TAFA2: variants seen among roughly 807,000 people sequenced by gnomAD.
The protein encoded by TAFA2 is TAFA chemokine like family member 2.
In TAFA2, 7 loss-of-function variants were observed where a neutral mutation model predicts 18.8. The observed-to-expected ratio is 0.37, with a 90% CI of 0.21 to 0.70. TAFA2 has a LOEUF of 0.70. TAFA2 is among the 30% of genes least tolerant of loss of function. The probability of loss-of-function intolerance (pLI) is 0.53; values close to 1 mark genes in which losing one functional copy is unlikely to be tolerated. For missense variants in TAFA2, 122 were observed against 158.1 expected, an observed-to-expected ratio of 0.77 and a Z score of 1.23; for synonymous variants, 60 against 54.2, an observed-to-expected ratio of 1.11 and a Z score of -0.47.
At chr12:62,186,327 A>G (rs1053238985) in intron 1 of TAFA2, among the ~76,000 whole-genome samples, 1 of 152,028 alleles carries the variant, frequency 6.6e-6, no homozygotes, top group Admixed American at 6.5e-5. Context: ...ATATATATAT[A>G]TTTATTTATA....
intron 1 of TAFA2, among the ~76,000 whole-genome samples, chr12:62,026,270 T>C (rs1167627585): frequency 1.3e-5 from 2 of 152,174 alleles, no homozygotes; most frequent in African/African-American, 2.4e-5. Flanking sequence ...GAGATTTACC[T>C]GAATAGATAT....
chr12:62,233,873 C>T (rs1290803679), intron 1 of TAFA2, among the ~76,000 whole-genome samples: 1 of 152,198 alleles, frequency 6.6e-6, no homozygotes, highest in Non-Finnish European at 1.5e-5. Context: ...CAGACCGAGG[C>T]AGCAAAGTAG....
At chr12:61,914,888 C>T (rs930697054) in intron 1 of TAFA2, among the ~76,000 whole-genome samples, 7 of 152,064 alleles carry the variant, frequency 4.6e-5, no homozygotes, top group Non-Finnish European at 7.4e-5. Context: ...GTTGGCCGGG[C>T]ACAGTGGCTC....
intron 2 of TAFA2, among the ~76,000 whole-genome samples, chr12:61,824,827 T>C (rs1872475238): frequency 6.6e-6 from 1 of 152,212 alleles, no homozygotes; most frequent in Non-Finnish European, 1.5e-5. Flanking sequence ...AGAAAAATTA[T>C]AACTTTGTCG....
chr12:61,995,046 T>A (rs558456998), intron 1 of TAFA2, among the ~76,000 whole-genome samples: 2 of 152,310 alleles, frequency 1.3e-5, no homozygotes, highest in South Asian at 4.1e-4. Context: ...GTGTTCCTAT[T>A]AACATAAATT....
At chr12:61,965,799 A>C (rs1162555137) in intron 1 of TAFA2, among the ~76,000 whole-genome samples, 1 of 151,958 alleles carries the variant, frequency 6.6e-6, no homozygotes, top group Non-Finnish European at 1.5e-5. Context: ...CAGTGGCTCC[A>C]ACTCTAAGAA....
chr12:62,136,235 C>A (rs971831403), intron 1 of TAFA2, among the ~76,000 whole-genome samples: 5 of 152,070 alleles, frequency 3.3e-5, no homozygotes, highest in African/African-American at 1.2e-4. Flanking sequence ...TTAAAAGATG[C>A]AATAATCTTC....
At chr12:62,040,061 G>A (rs576356913) in intron 1 of TAFA2, among the ~76,000 whole-genome samples, 20 of 152,238 alleles carry the variant, frequency 1.3e-4, no homozygotes, top group Non-Finnish European at 1.8e-4. Flanking sequence ...GGGATTTGAC[G>A]TGTATTATAC....
At chr12:61,996,705 C>T (rs1053619090) in intron 1 of TAFA2, among the ~76,000 whole-genome samples, 4 of 152,138 alleles carry the variant, frequency 2.6e-5, no homozygotes, top group African/African-American at 9.7e-5. Flanking sequence ...CTTCCAAGCA[C>T]TCCACTTATG....
intron 1 of TAFA2, among the ~76,000 whole-genome samples, chr12:61,998,285 T>G (rs1347222068): frequency 1.3e-5 from 2 of 152,200 alleles, no homozygotes; most frequent in Non-Finnish European, 2.9e-5. Flanking sequence ...CTTAAATAAG[T>G]GCAATATAGC....
intron 1 of TAFA2, among the ~76,000 whole-genome samples, chr12:62,151,191 T>G (rs1460463792): frequency 1.3e-5 from 2 of 152,136 alleles, no homozygotes; most frequent in Admixed American, 1.3e-4. Flanking sequence ...CTTTACAAAC[T>G]CAACAACTGG....
At chr12:61,882,237 G>A (rs1875179001) in intron 1 of TAFA2, among the ~76,000 whole-genome samples, 1 of 152,152 alleles carries the variant, frequency 6.6e-6, no homozygotes, top group East Asian at 1.9e-4. Context: ...GGCACATAAA[G>A]ATTATAATTG....
At chr12:62,152,120 CTCTA>C (rs1450650737) in intron 1 of TAFA2, among the ~76,000 whole-genome samples, 6 of 152,180 alleles carry the variant, frequency 3.9e-5, no homozygotes, top group Non-Finnish European at 8.8e-5. Flanking sequence ...CTGCAGTCAA[CTCTA>C]TCTAGAGGAG....
intron 1 of TAFA2, among the ~76,000 whole-genome samples, chr12:62,254,051 T>C (rs1051247960): frequency 2.0e-5 from 3 of 152,364 alleles, no homozygotes; most frequent in Non-Finnish European, 4.4e-5. Flanking sequence ...ACACTTTAAA[T>C]ATTATCCTTC....
chr12:61,850,742 T>C lies in TAFA2; in HGVS notation c.106+16578A>G, dbSNP rs371986794. Among the ~76,000 whole-genome samples the C allele has an allele frequency of 3.3e-5, 5 of 152,100 alleles. No individual in the cohort carries two copies. The East Asian group carries it at 9.6e-4, about 29-fold the overall frequency. On this transcript the variant is annotated intron_variant, in intron 2 of 4. Transcript: ENST00000416284. ...TTACAGTGAAAGATTATTCATTTCA[T>C]AGACGAAATTTTAAAGTATGCAATA...
chr12:62,249,948 A>G (rs137865471), intron 1 of TAFA2, among the ~76,000 whole-genome samples: 52 of 152,270 alleles, frequency 3.4e-4, no homozygotes, highest in Admixed American at 1.4e-3. Flanking sequence ...GGGGCCTAAA[A>G]TTAAGTAATG....
chr12:62,031,924 A>G (rs928250669), intron 1 of TAFA2, among the ~76,000 whole-genome samples: 1 of 152,204 alleles, frequency 6.6e-6, no homozygotes. Context: ...TCCGATAAGA[A>G]AATTTAGCTA....
intron 2 of TAFA2, among the ~76,000 whole-genome samples, chr12:61,795,771 A>T (rs980092444): frequency 6.6e-6 from 1 of 151,850 alleles, no homozygotes; most frequent in Non-Finnish European, 1.5e-5. Context: ...GCAAAAAAAT[A>T]AATAAATAAA....
intron 2 of TAFA2, among the ~76,000 whole-genome samples, chr12:61,781,003 C>G (rs1216935804): frequency 2.0e-5 from 3 of 151,644 alleles, no homozygotes; most frequent in Non-Finnish European, 2.9e-5. Context: ...CTGAGAGCTT[C>G]CTCCCATCTA....
Sources: gnomAD v4.1 joint callset for allele counts (sites outside exome capture counted in the v4.1 genomes callset) on GRCh38, gnomAD v4.1.1 for gene constraint, MANE v1.5 for transcripts, NCBI Gene and HGNC (gene_info 2026-07-23, HGNC 2026-07-21) for gene names.